Variants in ERICH1 observed in about 807,000 individuals in gnomAD.
The protein encoded by ERICH1 is glutamate rich 1, also known as glutamate-rich protein 1.
In ERICH1, 56 loss-of-function variants were observed where a neutral mutation model predicts 39.6. That is an observed-to-expected ratio of 1.41 (90% confidence interval 1.14 to 1.77). The LOEUF is 1.77. Ranked by LOEUF, ERICH1 falls within the 40% of genes most tolerant of loss-of-function variation. ERICH1 has a pLI of 0.00. For missense variants in ERICH1, 826 were observed against 575.4 expected, an observed-to-expected ratio of 1.44 and a Z score of -4.45; for synonymous variants, 313 against 223.6, an observed-to-expected ratio of 1.40 and a Z score of -3.57.
chr8:664,297 C>G lies in ERICH1; in HGVS notation c.*306G>C, dbSNP rs779392408. On this transcript the variant is annotated 3_prime_UTR_variant, in exon 6 of 6. Transcript: ENST00000262109. ...AAACTTCATAAAAATATATGAGCTT[C>G]AAACTATACATTTAACTTAACAGAA... 2.9e-6 allele frequency: 3 copies of G among 1,041,544 alleles called. No individual in the cohort carries two copies. Among genetic ancestry groups the G allele is most frequent in the Non-Finnish European group, 3.5e-6 (3 of 866,784 alleles). The allele number at this position is 1,041,544 out of a possible 1,614,324, so 64.5% of individuals were successfully genotyped here.
chr8:689,121 T>TG (rs1808340702), intron 3 of ERICH1, among the ~76,000 whole-genome samples: 2 of 110,816 alleles, frequency 1.8e-5, no homozygotes, highest in Non-Finnish European at 4.0e-5. Flanking sequence ...ATCTTTTTTT[T>TG]CTTTTTTTGA....
At chr8:619,790 G>A (rs1405834222) in intron 3 of ERICH1, among the ~76,000 whole-genome samples, 2 of 152,130 alleles carry the variant, frequency 1.3e-5, no homozygotes, top group Non-Finnish European at 2.9e-5. Context: ...CTATGGAATT[G>A]AACTCATTCC....
intron 3 of ERICH1, among the ~76,000 whole-genome samples, chr8:652,231 G>A (rs1211485061): frequency 6.6e-6 from 1 of 152,234 alleles, no homozygotes; most frequent in African/African-American, 2.4e-5. Context: ...TCCGGTGGCA[G>A]GAAATGCAGC....
chr8:713,883 C>A (rs1815329075), intron 2 of ERICH1, among the ~76,000 whole-genome samples: 2 of 152,188 alleles, frequency 1.3e-5, no homozygotes, highest in Non-Finnish European at 2.9e-5. Flanking sequence ...ACCCAGGAAC[C>A]CACGTCTGGC....
chr8:632,439 C>G (rs1422931483), intron 3 of ERICH1, among the ~76,000 whole-genome samples: 1 of 151,922 alleles, frequency 6.6e-6, no homozygotes. Flanking sequence ...TTCTTAAAGC[C>G]CATGTTTTAA....
At chr8:658,841 T>C (rs1486157215) in intron 3 of ERICH1, among the ~76,000 whole-genome samples, 1 of 152,214 alleles carries the variant, frequency 6.6e-6, no homozygotes, top group African/African-American at 2.4e-5. Flanking sequence ...TATCCTGCTA[T>C]GGGGCCCGAG....
At chr8:635,088 G>A (rs995488028) in intron 3 of ERICH1, among the ~76,000 whole-genome samples, 1 of 149,360 alleles carries the variant, frequency 6.7e-6, no homozygotes, top group East Asian at 2.0e-4. Flanking sequence ...AGGGGTTGCC[G>A]GAGCCACTCA....
At chr8:722,765 G>T (rs775761915) in intron 1 of ERICH1, among the ~76,000 whole-genome samples, 1 of 152,188 alleles carries the variant, frequency 6.6e-6, no homozygotes. Context: ...GAGAAAATAC[G>T]TGTACAGCTT....
At chr8:685,926 C>T (rs1349774709) in intron 3 of ERICH1, among the ~76,000 whole-genome samples, 1 of 150,484 alleles carries the variant, frequency 6.6e-6, no homozygotes, top group Non-Finnish European at 1.5e-5. Context: ...AAGCAGATCA[C>T]TTGACCCCAG....
chr8:678,752 G>C (rs1189164804), intron 3 of ERICH1, among the ~76,000 whole-genome samples: 1 of 152,158 alleles, frequency 6.6e-6, no homozygotes, highest in South Asian at 2.1e-4. Context: ...AGCTTGCAGT[G>C]AGCCCAGATT....
At chr8:668,573 C>G in intron 5 of ERICH1, 25 bp downstream of exon 5, 1 of 1,613,894 alleles carries the variant, frequency 6.2e-7, no homozygotes, top group Non-Finnish European at 8.5e-7. Flanking sequence ...TAAGCAGGAC[C>G]TTGAATAAAT....
intron 1 of ERICH1, among the ~76,000 whole-genome samples, chr8:729,616 T>C (rs923091016): frequency 1.3e-5 from 2 of 152,226 alleles, no homozygotes. Flanking sequence ...AATATTTTCT[T>C]TCCCACCTAC....
rs1385113258 is a variant in ERICH1, at chr8:700,987, G to A, written c.170-8375C>T. Among the ~76,000 whole-genome samples, 9 of 152,390 alleles carry A rather than the reference G, an allele frequency of 5.9e-5. No homozygotes were observed. The South Asian group carries it at 1.7e-3, about 28-fold the overall frequency. On this transcript the variant is annotated intron_variant, in intron 2 of 5. Transcript: ENST00000262109. ...AAAGCAGCCGAGAGGAAGTGCAGGT[G>A]CCAACCACGCTGCGTGCAGCATCAC...
At chr8:688,688 G>T (rs369954263) in intron 3 of ERICH1, among the ~76,000 whole-genome samples, 3 of 152,228 alleles carry the variant, frequency 2.0e-5, no homozygotes, top group South Asian at 2.1e-4. Flanking sequence ...AAGCAGCAGA[G>T]AAGTGGGGAA....
intron 2 of ERICH1, among the ~76,000 whole-genome samples, chr8:694,603 G>C (rs1374784425): frequency 2.0e-5 from 3 of 152,206 alleles, no homozygotes; most frequent in African/African-American, 7.2e-5. Flanking sequence ...TAAGCCGCAA[G>C]TGGCACCTCC....
At chr8:699,134 C>G (rs2132153088) in intron 2 of ERICH1, among the ~76,000 whole-genome samples, 1 of 152,214 alleles carries the variant, frequency 6.6e-6, no homozygotes, top group East Asian at 1.9e-4. Context: ...CCCAAACCCA[C>G]TAAATATCAG....
intron 3 of ERICH1, among the ~76,000 whole-genome samples, chr8:632,769 A>G (rs1008787318): frequency 6.6e-6 from 1 of 152,218 alleles, no homozygotes; most frequent in Non-Finnish European, 1.5e-5. Flanking sequence ...AGTGGGTAAC[A>G]TAACGCCCAA....
At chr8:724,900 G>C (rs770538089) in intron 1 of ERICH1, among the ~76,000 whole-genome samples, 1 of 152,140 alleles carries the variant, frequency 6.6e-6, no homozygotes, top group Non-Finnish European at 1.5e-5. Flanking sequence ...CGCCTGGCCC[G>C]GACCACGAGG....
downstream of ERICH1, among the ~76,000 whole-genome samples, chr8:663,812 T>C (rs1442907822): frequency 6.6e-6 from 1 of 152,090 alleles, no homozygotes; most frequent in African/African-American, 2.4e-5. Context: ...CAGGCTGCAG[T>C]GCAGTGGTGC....
Sources: allele counts gnomAD v4.1 joint callset (sites outside exome capture counted in the v4.1 genomes callset), GRCh38; gene constraint gnomAD v4.1.1; transcripts MANE v1.5; gene names NCBI Gene and HGNC (gene_info 2026-07-23, HGNC 2026-07-21).